Variants in PLCG2 observed in about 807,000 individuals in gnomAD.
PLCG2 encodes phospholipase C gamma 2.
PLCG2 carries 69 observed loss-of-function variants against 175.6 expected under a neutral mutation model. That is an observed-to-expected ratio of 0.39 (90% confidence interval 0.32 to 0.48). The LOEUF is 0.48. Among genes scored for constraint, PLCG2 ranks in the 20% least tolerant of loss-of-function variants. PLCG2 has a pLI of 0.91. For missense variants in PLCG2, 1,798 were observed against 1,650.9 expected (o/e 1.09, Z -1.54); for synonymous variants, 827 against 624.0 (o/e 1.33, Z -4.85).
chr16:81,808,631 C>G (rs1215293697), intron 2 of PLCG2, among the ~76,000 whole-genome samples: 1 of 152,114 alleles, frequency 6.6e-6, no homozygotes, highest in African/African-American at 2.4e-5. Context: ...GTAGCTGGGA[C>G]TACAGGTGCC....
chr16:81,931,553 C>T lies in PLCG2; in HGVS notation c.2638C>T (p.Gln880Ter). 1 of 1,614,042 alleles carries T rather than the reference C, an allele frequency of 6.2e-7. No individual in the cohort carries two copies. Among genetic ancestry groups the T allele is most frequent in the Non-Finnish European group, 8.5e-7 (1 of 1,179,944 alleles). ...KSFVFILEPK[Q>*]QGDPPVEFAT... ...CTTTGTCTTCATCCTGGAGCCCAAG[C>T]AGCAGGGCGATCCTCCGGTGGAGTT... Residue 880 changes from glutamine to a stop codon, truncating the protein, a stop_gained, in exon 25 of 33, where the codon CAG becomes TAG. Coordinates refer to ENST00000564138, the MANE Select transcript of PLCG2 (RefSeq NM_002661.5). LOFTEE classifies it high-confidence loss of function.
chr16:81,814,482 C>T (rs1008494015), intron 2 of PLCG2, among the ~76,000 whole-genome samples: 1 of 151,952 alleles, frequency 6.6e-6, no homozygotes, highest in East Asian at 1.9e-4. Flanking sequence ...CACATGAGGT[C>T]AGGAGTTCGA....
intron 2 of PLCG2, chr16:81,766,655 T>C (rs985262758): frequency 6.6e-6 from 1 of 152,340 alleles, no homozygotes; most frequent in Non-Finnish European, 1.5e-5. Context: ...TTACTGTCTG[T>C]CTTCAGTAGA....
intron 32 of PLCG2, among the ~76,000 whole-genome samples, chr16:81,957,711 A>T (rs1397646236): frequency 6.6e-6 from 1 of 152,082 alleles, no homozygotes; most frequent in Non-Finnish European, 1.5e-5. Flanking sequence ...TACTCACATT[A>T]TTCTCATTGA....
chr16:81,839,679 A>G (rs888954725), intron 2 of PLCG2, among the ~76,000 whole-genome samples: 10 of 152,194 alleles, frequency 6.6e-5, no homozygotes, highest in Admixed American at 2.0e-4. Flanking sequence ...CAGTTAAGAC[A>G]TAACAAAGGG....
intron 2 of PLCG2, among the ~76,000 whole-genome samples, chr16:81,761,234 G>T (rs1910035072): frequency 6.6e-6 from 1 of 152,082 alleles, no homozygotes; most frequent in African/African-American, 2.4e-5. Flanking sequence ...GTGTGGTTGT[G>T]CATACTTGTA....
At chr16:81,825,262 T>C (rs1404343897) in intron 2 of PLCG2, among the ~76,000 whole-genome samples, 1 of 152,006 alleles carries the variant, frequency 6.6e-6, no homozygotes, top group Non-Finnish European at 1.5e-5. Context: ...TCTTTTAAAT[T>C]AGATCTGAAG....
intron 2 of PLCG2, among the ~76,000 whole-genome samples, chr16:81,848,453 A>T (rs1906235443): frequency 6.6e-6 from 1 of 151,964 alleles, no homozygotes; most frequent in African/African-American, 2.4e-5. Context: ...TTAGAATTTC[A>T]TTCTTTCTTT....
At chr16:81,810,203 A>G (rs551439029) in intron 2 of PLCG2, among the ~76,000 whole-genome samples, 17 of 152,102 alleles carry the variant, frequency 1.1e-4, no homozygotes, top group Admixed American at 6.5e-4. Context: ...CTTGGCCAGG[A>G]TGGTTTCTAT....
At chr16:81,889,554 CACTT>C (rs775682190) in intron 10 of PLCG2, among the ~76,000 whole-genome samples, 8 of 152,016 alleles carry the variant, frequency 5.3e-5, no homozygotes, top group Non-Finnish European at 8.8e-5. Flanking sequence ...GAGCTTAACT[CACTT>C]AGAGCCAGCT....
In PLCG2 at chr16:81,816,651, A is replaced by ACTTTTTTTTTTTTTTTTTTTT. The variant is rs1555509092; in HGVS notation, c.193+30469_193+30470insCTTTTTTTTTTTTTTTTTTTT. On this transcript the variant is annotated intron_variant, in intron 2 of 32. Coordinates refer to ENST00000564138, the MANE Select transcript of PLCG2 (RefSeq NM_002661.5). Reference sequence around the variant, plus strand: ...GCACCACCATGCCCAGCTAATTTTAATTTTTTTTTTTTTTTTTTTTTTTTT... The same window carrying ACTTTTTTTTTTTTTTTTTTTT: ...GCACCACCATGCCCAGCTAATTTTAACTTTTTTTTTTTTTTTTTTTTTTTTTTTTTTTTTTTTTTTTTTTTT... 4.6e-5 allele frequency among the ~76,000 whole-genome samples: 5 copies of ACTTTTTTTTTTTTTTTTTTTT among 108,858 alleles called. 2 individuals carry two copies. Among genetic ancestry groups the ACTTTTTTTTTTTTTTTTTTTT allele is most frequent in the South Asian group, 6.2e-4 (2 of 3,244 alleles). The allele number at this position is 108,858 out of a possible 152,430, so 71.4% of individuals were successfully genotyped here. A position where few individuals can be genotyped will look rare whatever the true frequency, so the allele number is the denominator to read the frequency against.
At chr16:81,854,338 T>G (rs1018419942) in intron 2 of PLCG2, 106 bp from the exon 3 acceptor site, 5 of 991,512 alleles carry the variant, frequency 5.0e-6, no homozygotes, top group Non-Finnish European at 6.3e-6. Flanking sequence ...CGGGATCCTG[T>G]TGGGGAAGGA....
rs150648061 is a variant in PLCG2, at chr16:81,772,899, T to G, written c.-47-13044T>G. Among the ~76,000 whole-genome samples, 3 of 152,306 alleles carry G rather than the reference T, an allele frequency of 2.0e-5. No homozygotes were observed. The East Asian group carries it at 5.8e-4, about 29-fold the overall frequency. On this transcript the variant is annotated intron_variant, in intron 2 of 5. Coordinates refer to the PLCG2 transcript ENST00000565054. ...AAAGGGAGACCTTCGGATGCCTTCT[T>G]GCTCTGTGCCAGCTGCCTGGTGCAG... is the stretch of plus-strand genomic sequence containing the variant.
At chr16:81,806,999 G>C (rs1452534358) in intron 2 of PLCG2, among the ~76,000 whole-genome samples, 2 of 152,148 alleles carry the variant, frequency 1.3e-5, no homozygotes, top group African/African-American at 4.8e-5. Context: ...GTGGATGACG[G>C]ATGACTGATA....
chr16:81,765,667 T>A (rs573548896), intron 2 of PLCG2, among the ~76,000 whole-genome samples: 51 of 48,296 alleles, frequency 1.1e-3, no homozygotes, highest in Middle Eastern at 0.015. Flanking sequence ...AACCAACCCT[T>A]TTGACCCCGG....
chr16:81,939,196 A>G (rs1275067225), intron 29 of PLCG2, among the ~76,000 whole-genome samples: 2 of 152,070 alleles, frequency 1.3e-5, no homozygotes, highest in African/African-American at 4.8e-5. Context: ...CAACAGCCCA[A>G]TCTGATTAAT....
intron 2 of PLCG2, among the ~76,000 whole-genome samples, chr16:81,840,388 G>A (rs1905758641): frequency 6.6e-6 from 1 of 152,144 alleles, no homozygotes; most frequent in African/African-American, 2.4e-5. Context: ...GATAGTGTGA[G>A]GATGATTCAA....
At chr16:81,892,861 T>C (rs903744762) in intron 11 of PLCG2, among the ~76,000 whole-genome samples, 9 of 151,752 alleles carry the variant, frequency 5.9e-5, no homozygotes, top group African/African-American at 1.9e-4. Context: ...TTTTTTTTTT[T>C]TTTTGAGACA....
Position 81,843,501 on chromosome 16 carries a change from A to G in PLCG2, c.194-10943A>G, listed in dbSNP as rs553366136. On this transcript the variant is annotated intron_variant, in intron 2 of 32. Transcript: ENST00000564138. ...CCAACTGATTGAAACACCCCAGCCA[A>G]TTTCCTTAGTATCACTTAACAACCT... 3.3e-5 allele frequency among the ~76,000 whole-genome samples: 5 copies of G among 152,278 alleles called. No individual in the cohort carries two copies. In the East Asian group the frequency reaches 9.6e-4, roughly 29 times the overall value.
Sources: allele counts gnomAD v4.1 joint callset (sites outside exome capture counted in the v4.1 genomes callset), GRCh38; gene constraint gnomAD v4.1.1; transcripts MANE v1.5; gene names NCBI Gene and HGNC (gene_info 2026-07-23, HGNC 2026-07-21).